The following GABRA1 variants were observed in gnomAD, a reference collection of about 807,000 sequenced individuals.
GABRA1 encodes the protein gamma-aminobutyric acid receptor subunit alpha-1.
GABRA1 carries 9 observed loss-of-function variants against 48.9 expected under a neutral mutation model. The observed-to-expected ratio is 0.18, with a 90% CI of 0.11 to 0.32. GABRA1 has a LOEUF of 0.32. Ranked by LOEUF, GABRA1 falls within the 10% of genes least tolerant of loss-of-function variation. The pLI is 1.00. For missense variants in GABRA1, 285 were observed against 553.8 expected (o/e 0.51, Z 4.87); for synonymous variants, 210 against 198.7 (o/e 1.06, Z -0.48).
Position 161,898,047 on chromosome 5 carries a change from G to T in GABRA1, c.*625G>T, listed in dbSNP as rs1400993155. Reference sequence around the variant, plus strand: ...ATAAAATGCTATTTTAAAATTCATGGAACTTTCATACGTAAAGGTGCAGTT... The same window carrying T: ...ATAAAATGCTATTTTAAAATTCATGTAACTTTCATACGTAAAGGTGCAGTT... On this transcript the variant is annotated 3_prime_UTR_variant, in exon 10 of 10. Transcript: ENST00000393943. The T allele has an allele frequency of 1.3e-5, 2 of 151,226 alleles. No individual in the cohort carries two copies. The highest frequency in any genetic ancestry group is 4.9e-5 in the African/African-American group (2 of 41,152). 9.4% of individuals were successfully genotyped at this position (151,226 alleles called of 1,614,324 possible). A position where few individuals can be genotyped will look rare whatever the true frequency, so the allele number is the denominator to read the frequency against.
chr5:161,866,286 T>C (rs1424246632), intron 4 of GABRA1, among the ~76,000 whole-genome samples: 2 of 152,106 alleles, frequency 1.3e-5, no homozygotes, highest in African/African-American at 4.8e-5. Context: ...TTCTGCTTCA[T>C]TGCAAAAAGC....
intron 4 of GABRA1, 110 bp downstream of exon 4, chr5:161,865,898 AC>A (rs1202135700): frequency 3.6e-6 from 3 of 841,832 alleles, no homozygotes; most frequent in African/African-American, 3.4e-5. Context: ...TCTTGGCTAT[AC>A]TTTTGTGTCT....
In GABRA1 at chr5:161,848,304, C is replaced by T. The variant is rs1049837957; in HGVS notation, c.-134C>T. Reference sequence around the variant, plus strand: ...TGAGAGGCAGAGCGAGGACGCCCCTCTGCTCTGGCGCGCCCGGACTCGGAC... The same window carrying T: ...TGAGAGGCAGAGCGAGGACGCCCCTTTGCTCTGGCGCGCCCGGACTCGGAC... On this transcript the variant is annotated 5_prime_UTR_variant, in exon 1 of 10. Transcript: ENST00000393943. The T allele has an allele frequency of 1.3e-5, 2 of 152,392 alleles. No homozygotes were observed. The highest frequency in any genetic ancestry group is 4.8e-5 in the African/African-American group (2 of 41,408). 9.4% of individuals were successfully genotyped at this position (152,392 alleles called of 1,614,324 possible).
intron 4 of GABRA1, chr5:161,872,911 T>C: frequency 1.8e-6 from 1 of 565,162 alleles, no homozygotes; most frequent in Non-Finnish European, 3.2e-6. Flanking sequence ...TCAGGCATTT[T>C]AGATATTTTT....
chr5:161,873,378 T>C, intron 5 of GABRA1, 41 bp downstream of exon 5: 1 of 1,469,442 alleles, frequency 6.8e-7, no homozygotes, highest in South Asian at 1.1e-5. Flanking sequence ...GTTTCTGTAC[T>C]TCATTCCCTT....
chr5:161,892,179 C>G (rs546109834), intron 8 of GABRA1, among the ~76,000 whole-genome samples: 1 of 152,246 alleles, frequency 6.6e-6, no homozygotes, highest in Non-Finnish European at 1.5e-5. Context: ...GAAATCACCA[C>G]TACGTATTTA....
At chr5:161,893,698 C>T (rs1369630026) in intron 8 of GABRA1, among the ~76,000 whole-genome samples, 1 of 152,188 alleles carries the variant, frequency 6.6e-6, no homozygotes, top group East Asian at 1.9e-4. Flanking sequence ...GTTTGAGATT[C>T]AGTCTCGCCA....
chr5:161,896,742 A>C (rs1385308172), intron 9 of GABRA1, among the ~76,000 whole-genome samples: 3 of 152,154 alleles, frequency 2.0e-5, no homozygotes, highest in Non-Finnish European at 2.9e-5. Context: ...TGCCCACTTG[A>C]ATATTGCTGC....
chr5:161,851,880 T>C (rs1757459255), intron 2 of GABRA1, among the ~76,000 whole-genome samples: 1 of 152,166 alleles, frequency 6.6e-6, no homozygotes, highest in South Asian at 2.1e-4. Context: ...GAAGTGTTAC[T>C]ATTGCAATGA....
chr5:161,849,048 G>C (rs1166119669), intron 1 of GABRA1: 1 of 448,366 alleles, frequency 2.2e-6, no homozygotes, highest in South Asian at 1.6e-5. Flanking sequence ...AACGTTTGGA[G>C]CGTGTGTCTG....
rs147630665 is a variant in GABRA1 at position 161,862,729 on chromosome 5, A to C, written c.188-2992A>C. Among the ~76,000 whole-genome samples the C allele has an allele frequency of 9.4e-4, 143 of 152,100 alleles. 3 individuals are homozygous for C. In the East Asian group the frequency reaches 0.026, roughly 28 times the overall value. Reference sequence around the variant, plus strand: ...CTAAGTGGCACATAGAAAATGTTTAATAAACATTTATTACTAAATTAATGT... The same window carrying C: ...CTAAGTGGCACATAGAAAATGTTTACTAAACATTTATTACTAAATTAATGT... On this transcript the variant is annotated intron_variant, in intron 3 of 9. Transcript: ENST00000393943.
At chr5:161,895,583 C>T (rs1174657252) in intron 8 of GABRA1, 83 bp from the exon 9 acceptor site, 1 of 1,256,062 alleles carries the variant, frequency 8.0e-7, no homozygotes, top group East Asian at 2.5e-5. Context: ...TGTTGATTTC[C>T]TTTTGTTCAA....
At chr5:161,862,494 A>G (rs996972832) in intron 3 of GABRA1, among the ~76,000 whole-genome samples, 4 of 151,944 alleles carry the variant, frequency 2.6e-5, no homozygotes, top group Admixed American at 2.0e-4. Flanking sequence ...TCTTCAAATG[A>G]CATTTTTTCA....
chr5:161,854,368 T>C, intron 3 of GABRA1, 98 bp downstream of exon 3: 1 of 751,454 alleles, frequency 1.3e-6, no homozygotes, highest in East Asian at 2.5e-5. Flanking sequence ...ATAAAAATGG[T>C]GACATGTAAT....
At chr5:161,891,459 G>A (rs1329642783) in intron 8 of GABRA1, among the ~76,000 whole-genome samples, 1 of 152,136 alleles carries the variant, frequency 6.6e-6, no homozygotes, top group East Asian at 1.9e-4. Flanking sequence ...AAAAAGCAGA[G>A]CTTCTTTAAG....
At position 161,897,211 on chromosome 5, in the gene GABRA1, C is replaced by G; in HGVS notation, c.1160C>G (p.Ala387Gly). 1.2e-6 allele frequency: 2 copies of G among 1,614,120 alleles called. No homozygotes were observed. Among genetic ancestry groups the G allele is most frequent in the Non-Finnish European group, 1.7e-6 (2 of 1,180,014 alleles). ...TTGGCCAGGGGCGACCCGGGCTTAG[C>G]CACCATTGCTAAAAGTGCAACCATA... ...PNLARGDPGL[A>G]TIAKSATIEP... Residue 387 changes from alanine (A) to glycine (G), a missense_variant, in exon 10 of 10, where the codon GCC becomes GGC. Transcript: ENST00000393943.
At chr5:161,893,260 C>A (rs1257803537) in intron 8 of GABRA1, among the ~76,000 whole-genome samples, 1 of 151,948 alleles carries the variant, frequency 6.6e-6, no homozygotes, top group African/African-American at 2.4e-5. Flanking sequence ...TCTCAACAGA[C>A]TCATGGCCTT....
At chr5:161,867,099 T>G (rs1242902210) in intron 4 of GABRA1, among the ~76,000 whole-genome samples, 3 of 152,164 alleles carry the variant, frequency 2.0e-5, no homozygotes, top group African/African-American at 7.2e-5. Context: ...CAATCATACT[T>G]GTGAATGTAT....
intron 6 of GABRA1, among the ~76,000 whole-genome samples, chr5:161,880,755 G>A (rs778587770): frequency 6.6e-6 from 1 of 152,140 alleles, no homozygotes; most frequent in Non-Finnish European, 1.5e-5. Flanking sequence ...AATCACATTA[G>A]AAGCTTTGTT....
Sources: gnomAD v4.1 joint callset for allele counts (sites outside exome capture counted in the v4.1 genomes callset) on GRCh38, gnomAD v4.1.1 for gene constraint, MANE v1.5 for transcripts, NCBI Gene and HGNC (gene_info 2026-07-23, HGNC 2026-07-21) for gene names.